SPINK5: variants seen among roughly 807,000 people sequenced by gnomAD.
SPINK5 encodes the protein serine peptidase inhibitor Kazal type 5, also known as serine protease inhibitor Kazal-type 5.
In SPINK5, 125 loss-of-function variants were observed where a neutral mutation model predicts 151.8. The observed-to-expected ratio is 0.82, with a 90% CI of 0.71 to 0.96. SPINK5 has a LOEUF of 0.96. SPINK5 is among the 40% of genes least tolerant of loss of function. The pLI is 0.00. For synonymous variants in SPINK5, 374 were observed against 395.3 expected, an observed-to-expected ratio of 0.95 and a Z score of 0.64; for missense variants, 1,194 against 1,291.9, an observed-to-expected ratio of 0.92 and a Z score of 1.16.
intron 21 of SPINK5, among the ~76,000 whole-genome samples, chr5:148,115,378 T>C (rs1754058430): frequency 6.6e-6 from 1 of 152,198 alleles, no homozygotes; most frequent in African/African-American, 2.4e-5. Flanking sequence ...GTTGTTCAGA[T>C]AGGACAGTAA....
At chr5:148,096,456 A>G (rs10044155) in intron 10 of SPINK5, among the ~76,000 whole-genome samples, 7,482 of 152,050 alleles carry the variant, frequency 0.049, 623 homozygotes, top group African/African-American at 0.17. Flanking sequence ...AATCTTCAAG[A>G]TTTAATTCAT....
chr5:148,102,040 T>G, intron 15 of SPINK5, 132 bp downstream of exon 15: 3 of 1,337,106 alleles, frequency 2.2e-6, no homozygotes, highest in Non-Finnish European at 3.1e-6. Context: ...CATATTTAAA[T>G]GGACTAAAAA....
intron 5 of SPINK5, among the ~76,000 whole-genome samples, chr5:148,086,860 TTAATA>T (rs1581065200): frequency 6.7e-6 from 1 of 149,816 alleles, no homozygotes; most frequent in African/African-American, 2.4e-5. Flanking sequence ...AAATATAGCT[TTAATA>T]TAATAAAACA....
intron 11 of SPINK5, among the ~76,000 whole-genome samples, chr5:148,099,001 T>C (rs1221432513): frequency 1.3e-5 from 2 of 152,084 alleles, no homozygotes; most frequent in African/African-American, 2.4e-5. Flanking sequence ...AGAAAGCAAG[T>C]ATCCCAGATC....
At chr5:148,070,476 T>C (rs1205262018) in intron 3 of SPINK5, 26 bp downstream of exon 3, 14 of 1,611,124 alleles carry the variant, frequency 8.7e-6, no homozygotes, top group Non-Finnish European at 1.1e-5. Flanking sequence ...TTTCTTTCTT[T>C]CCAATGTTTG....
At chr5:148,125,479 G>A (rs1754405856) in intron 28 of SPINK5, 1 of 1,554,048 alleles carries the variant, frequency 6.4e-7, no homozygotes, top group African/African-American at 1.4e-5. Context: ...GAAAAAAACA[G>A]GAAGGTCTAT....
intron 4 of SPINK5, among the ~76,000 whole-genome samples, chr5:148,084,966 C>A (rs1049470149): frequency 2.0e-5 from 3 of 151,668 alleles, no homozygotes; most frequent in East Asian, 3.9e-4. Flanking sequence ...AATATGTATT[C>A]CATTTTTTTC....
intron 14 of SPINK5, among the ~76,000 whole-genome samples, 153 bp downstream of exon 14, chr5:148,101,589 A>G (rs561420392): frequency 2.6e-5 from 4 of 152,294 alleles, no homozygotes; most frequent in African/African-American, 9.6e-5. Context: ...ATACATGTGC[A>G]TATGTGACTA....
At chr5:148,107,704 C>T (rs1205851390) in intron 17 of SPINK5, among the ~76,000 whole-genome samples, 1 of 152,148 alleles carries the variant, frequency 6.6e-6, no homozygotes, top group Non-Finnish European at 1.5e-5. Context: ...AGGAAACAGG[C>T]TCATACCCTA....
At chr5:148,069,168 A>C (rs1201021575) in intron 2 of SPINK5, among the ~76,000 whole-genome samples, 2 of 152,070 alleles carry the variant, frequency 1.3e-5, no homozygotes, top group Non-Finnish European at 2.9e-5. Flanking sequence ...ATCATACTTT[A>C]CTAGGTAGCA....
intron 28 of SPINK5, 102 bp downstream of exon 28, chr5:148,124,939 C>A: frequency 7.7e-7 from 1 of 1,302,144 alleles, no homozygotes; most frequent in Non-Finnish European, 9.9e-7. Context: ...AATATCTTAA[C>A]TTCAAAGAAA....
chr5:148,125,939 A>G (rs1285155403), intron 29 of SPINK5, 89 bp downstream of exon 29: 17 of 1,576,612 alleles, frequency 1.1e-5, no homozygotes, highest in Non-Finnish European at 1.4e-5. Context: ...ATATTTATGA[A>G]CCCCATGGGA....
intron 2 of SPINK5, among the ~76,000 whole-genome samples, chr5:148,067,910 G>A (rs531285602): frequency 1.3e-5 from 2 of 152,120 alleles, no homozygotes; most frequent in Admixed American, 1.3e-4. Context: ...CACTGCACCT[G>A]GCCTGATGCT....
At position 148,072,141 on chromosome 5, in the gene SPINK5, T is replaced by C. The variant is rs767667211; in HGVS notation, c.210-7T>C. 2.5e-6 allele frequency: 4 copies of C among 1,611,586 alleles called. No individual in the cohort carries two copies. Among genetic ancestry groups the C allele is most frequent in the Non-Finnish European group, 3.4e-6 (4 of 1,178,312 alleles). On this transcript the variant is annotated splice_region_variant and splice_polypyrimidine_tract_variant and intron_variant, in intron 3 of 32. Coordinates refer to ENST00000256084, the MANE Select transcript of SPINK5 (RefSeq NM_006846.4). ...TTTAAACTATGCTATTTCTTGTCCT[T>C]TTCCAGGGAAAAAGAAGCAAAATCA...
At chr5:148,066,766 T>C (rs1326378568) in intron 2 of SPINK5, among the ~76,000 whole-genome samples, 2 of 152,162 alleles carry the variant, frequency 1.3e-5, no homozygotes, top group Admixed American at 6.5e-5. Flanking sequence ...GTGATGATGG[T>C]TGGTGATTTA....
Position 148,124,824 on chromosome 5 carries a change from C to T in SPINK5, c.2726C>T (p.Ser909Leu). ...GAAGAGAAATCAAGTAGCAAGCCCT[C>T]AAATAATGCAAAGGTTATTTATTAA... ...KDEEKSSSKP[S>L]NNAKDECSEF... is the part of the protein sequence containing the mutation. The change falls in exon 28 of 33, where the codon TCA becomes TTA. Residue 909 changes from serine to leucine, a missense_variant. By Grantham distance (145) the Ser-to-Leu change is moderately radical. Coordinates refer to ENST00000256084, the MANE Select transcript of SPINK5 (RefSeq NM_006846.4). 1 of 1,603,386 alleles carries T rather than the reference C, an allele frequency of 6.2e-7. No individual in the cohort carries two copies. Among genetic ancestry groups the T allele is most frequent in the South Asian group, 1.1e-5 (1 of 88,632 alleles).
rs1754706765 is a variant in SPINK5, at chr5:148,136,885, A to G, written c.3187-98A>G. On this transcript the variant is annotated intron_variant, in intron 32 of 32. Coordinates refer to ENST00000256084, the MANE Select transcript of SPINK5 (RefSeq NM_006846.4). ...TACTTCTTTGCAGAATGCAGGATCT[A>G]TGGATTTCTTTGATTAAGATGCAGC... The G allele has an allele frequency of 6.2e-6, 9 of 1,462,362 alleles. No individual in the cohort carries two copies. The East Asian group carries it at 9.1e-5, about 15-fold the overall frequency. The allele number at this position is 1,462,362 out of a possible 1,614,324, so 90.6% of individuals were successfully genotyped here. A position where few individuals can be genotyped will look rare whatever the true frequency, so the allele number is the denominator to read the frequency against.
chr5:148,121,883 A>T (rs1754276023), intron 26 of SPINK5, among the ~76,000 whole-genome samples: 1 of 151,850 alleles, frequency 6.6e-6, no homozygotes, highest in African/African-American at 2.4e-5. Context: ...TGAGAGGATC[A>T]CTTGAGCCCA....
intron 4 of SPINK5, among the ~76,000 whole-genome samples, chr5:148,074,934 T>C (rs1752839793): frequency 6.6e-6 from 1 of 151,798 alleles, no homozygotes; most frequent in Admixed American, 6.6e-5. Flanking sequence ...CTGTTTATTG[T>C]TGATATAGAC....
Sources: allele counts gnomAD v4.1 joint callset (sites outside exome capture counted in the v4.1 genomes callset), GRCh38; gene constraint gnomAD v4.1.1; transcripts MANE v1.5; gene names NCBI Gene and HGNC (gene_info 2026-07-23, HGNC 2026-07-21).